KLHL29: variants seen among roughly 807,000 people sequenced by gnomAD.
KLHL29 encodes kelch like family member 29.
Under a neutral mutation model 80.4 loss-of-function variants are expected in KLHL29, and 21 were observed. The observed-to-expected ratio is 0.26, with a 90% confidence interval of 0.19 to 0.38. The LOEUF is 0.38. Ranked by LOEUF, KLHL29 falls within the 10% of genes least tolerant of loss-of-function variation. The probability of loss-of-function intolerance (pLI) is 1.00; values close to 1 mark genes in which losing one functional copy is unlikely to be tolerated. For missense variants in KLHL29, 867 were observed against 1,223.9 expected, an observed-to-expected ratio of 0.71 and a Z score of 4.35; for synonymous variants, 511 against 526.8, an observed-to-expected ratio of 0.97 and a Z score of 0.41.
chr2:23,532,742 A>T, intron 2 of KLHL29: 1 of 438,722 alleles, frequency 2.3e-6, no homozygotes. Flanking sequence ...AGCCTCACCC[A>T]CTACACCCTC....
At chr2:23,683,098 G>T (rs988877966) in intron 5 of KLHL29, among the ~76,000 whole-genome samples, 2 of 152,274 alleles carry the variant, frequency 1.3e-5, no homozygotes, top group Non-Finnish European at 2.9e-5. Flanking sequence ...GAGGCTCAGA[G>T]AGACAAAGGG....
In KLHL29 at chr2:23,503,512, C is replaced by G. The variant is rs1017969802; in HGVS notation, c.-46+27845C>G. Among the ~76,000 whole-genome samples, 1 of 152,018 alleles carries G rather than the reference C, an allele frequency of 6.6e-6. No homozygotes were observed. The highest frequency in any genetic ancestry group is 2.4e-5 in the African/African-American group (1 of 41,356). Reference sequence around the variant, plus strand: ...CGAGGCCATAGAAGTTAGTGTTGTCCTAGGGATGGCTCCTGGTTCACGCAG... The same window carrying G: ...CGAGGCCATAGAAGTTAGTGTTGTCGTAGGGATGGCTCCTGGTTCACGCAG... On this transcript the variant is annotated intron_variant, in intron 2 of 13. Coordinates refer to ENST00000486442, the MANE Select transcript of KLHL29 (RefSeq NM_052920.2). This position sits in a 1 kb window ranked among gnomAD's most constrained non-coding sequence, Gnocchi z 4.0.
chr2:23,702,131 T>G (rs1672432368), intron 11 of KLHL29, among the ~76,000 whole-genome samples: 1 of 152,148 alleles, frequency 6.6e-6, no homozygotes, highest in African/African-American at 2.4e-5. Flanking sequence ...CCCACATGGC[T>G]CTTTTTAACT....
chr2:23,551,164 C>G (rs1158756212), intron 2 of KLHL29, among the ~76,000 whole-genome samples: 3 of 152,234 alleles, frequency 2.0e-5, no homozygotes, highest in African/African-American at 7.2e-5. Context: ...TTACAAGTTC[C>G]TAATTTATAC....
chr2:23,593,974 C>G (rs1434811473), intron 3 of KLHL29, among the ~76,000 whole-genome samples: 2 of 152,220 alleles, frequency 1.3e-5, no homozygotes, highest in African/African-American at 4.8e-5. Context: ...CCTGCCATGT[C>G]TTCTCTGTGA....
intron 2 of KLHL29, among the ~76,000 whole-genome samples, chr2:23,519,257 C>T (rs533193645): frequency 6.3e-4 from 96 of 152,312 alleles, no homozygotes; most frequent in African/African-American, 2.2e-3. Context: ...CCCATGACTT[C>T]TTCCAGCCAG....
At chr2:23,652,997 A>C (rs1413862550) in intron 5 of KLHL29, among the ~76,000 whole-genome samples, 1 of 152,120 alleles carries the variant, frequency 6.6e-6, no homozygotes, top group East Asian at 1.9e-4. Flanking sequence ...TCTAGGAGGT[A>C]GGTGTGTCTC....
At chr2:23,592,894 C>T (rs1558401051) in intron 3 of KLHL29, among the ~76,000 whole-genome samples, 1 of 152,188 alleles carries the variant, frequency 6.6e-6, no homozygotes, top group Non-Finnish European at 1.5e-5. Context: ...ACACTTGACC[C>T]AAAAGCCTCT....
chr2:23,388,989 CTTT>C lies in KLHL29; in HGVS notation c.-154+3227_-154+3229del, dbSNP rs10691490. On this transcript the variant is annotated intron_variant, in intron 1 of 13. Transcript: ENST00000486442. Reference sequence around the variant, plus strand: ...TTCCTTTTTTTCTTTCTTTCTTCTTCTTTTTTTTTTTTTTTTTTTTAAAATCCC... The same window carrying C: ...TTCCTTTTTTTCTTTCTTTCTTCTTCTTTTTTTTTTTTTTTTTAAAATCCC... Among the ~76,000 whole-genome samples the C allele has an allele frequency of 2.6e-3, 282 of 106,876 alleles. 4 individuals are homozygous for C. The highest frequency in any genetic ancestry group is 9.7e-3 in the Middle Eastern group (2 of 206). The allele number at this position is 106,876 out of a possible 152,430, so 70.1% of individuals were successfully genotyped here. A position where few individuals can be genotyped will look rare whatever the true frequency, so the allele number is the denominator to read the frequency against.
At chr2:23,616,299 G>A (rs1669002582) in intron 3 of KLHL29, among the ~76,000 whole-genome samples, 1 of 152,148 alleles carries the variant, frequency 6.6e-6, no homozygotes, top group Admixed American at 6.5e-5. Flanking sequence ...GTGACAGAAA[G>A]GCTGCGGAGG....
chr2:23,564,550 G>A (rs1199328205), intron 3 of KLHL29, among the ~76,000 whole-genome samples: 2 of 152,222 alleles, frequency 1.3e-5, no homozygotes, highest in Non-Finnish European at 2.9e-5. Flanking sequence ...TGGGTGGGGG[G>A]AAGGGAGGAC....
intron 3 of KLHL29, among the ~76,000 whole-genome samples, chr2:23,582,964 C>T (rs1312299147): frequency 1.3e-5 from 2 of 152,216 alleles, no homozygotes; most frequent in African/African-American, 2.4e-5. Context: ...AATCCAATGA[C>T]GAGTGTTTTT....
At chr2:23,451,894 T>C (rs1558343136) in intron 1 of KLHL29, among the ~76,000 whole-genome samples, 2 of 152,146 alleles carry the variant, frequency 1.3e-5, no homozygotes, top group Non-Finnish European at 2.9e-5. Context: ...CTAGGAAGCA[T>C]GGCACTGGCA....
chr2:23,635,530 C>G (rs980621399), intron 3 of KLHL29, among the ~76,000 whole-genome samples: 1 of 152,220 alleles, frequency 6.6e-6, no homozygotes, highest in Non-Finnish European at 1.5e-5. Flanking sequence ...TAGAGGCCCT[C>G]GGTCTTTAGT....
At chr2:23,412,089 G>A (rs1019529534) in intron 1 of KLHL29, among the ~76,000 whole-genome samples, 8 of 147,804 alleles carry the variant, frequency 5.4e-5, no homozygotes, top group Non-Finnish European at 1.0e-4. Context: ...GGAGTATGTC[G>A]GGTATGTATG....
At chr2:23,592,243 C>A (rs1446485364) in intron 3 of KLHL29, among the ~76,000 whole-genome samples, 1 of 15,412 alleles carries the variant, frequency 6.5e-5, no homozygotes, top group African/African-American at 3.6e-4. Context: ...AGAAGCCCGG[C>A]CATCAGGCTG....
At chr2:23,650,792 C>T (rs2149163597) in intron 5 of KLHL29, among the ~76,000 whole-genome samples, 1 of 152,308 alleles carries the variant, frequency 6.6e-6, no homozygotes, top group East Asian at 1.9e-4. Flanking sequence ...CTGGCATCTG[C>T]TGTTTGTGCC....
At chr2:23,699,929 C>CT (rs1490236343) in intron 11 of KLHL29, among the ~76,000 whole-genome samples, 2 of 152,248 alleles carry the variant, frequency 1.3e-5, no homozygotes, top group Non-Finnish European at 1.5e-5. Flanking sequence ...TTGGTCAACT[C>CT]TGACTCCTGC....
chr2:23,486,539 G>A (rs560126972), intron 2 of KLHL29, among the ~76,000 whole-genome samples: 1 of 152,246 alleles, frequency 6.6e-6, no homozygotes, highest in South Asian at 2.1e-4. Context: ...GGGGCTTCTG[G>A]GACTCCACCA....
Sources: allele counts gnomAD v4.1 joint callset (sites outside exome capture counted in the v4.1 genomes callset), GRCh38; gene constraint gnomAD v4.1.1; non-coding constraint Gnocchi (gnomAD v3.1); transcripts MANE v1.5; gene names NCBI Gene and HGNC (gene_info 2026-07-23, HGNC 2026-07-21).